The following PJA2 variants were observed in gnomAD, a reference collection of about 807,000 sequenced individuals.
PJA2 encodes the protein E3 ubiquitin-protein ligase Praja-2.
PJA2 carries 25 observed loss-of-function variants against 69.3 expected under a neutral mutation model. That is an observed-to-expected ratio of 0.36 (90% CI 0.26 to 0.50). The LOEUF (loss-of-function observed/expected upper bound fraction) is 0.50. Ranked by LOEUF, PJA2 falls within the 20% of genes least tolerant of loss-of-function variation. The probability of loss-of-function intolerance (pLI) is 0.96; values close to 1 mark genes in which losing one functional copy is unlikely to be tolerated. For missense variants in PJA2, 809 were observed against 830.2 expected, an observed-to-expected ratio of 0.97 and a Z score of 0.31; for synonymous variants, 308 against 277.8, an observed-to-expected ratio of 1.11 and a Z score of -1.08.
At chr5:109,399,076 T>C (rs899984395) in intron 1 of PJA2, among the ~76,000 whole-genome samples, 6 of 151,956 alleles carry the variant, frequency 3.9e-5, no homozygotes, top group East Asian at 1.9e-4. Flanking sequence ...CCGGGTTTGG[T>C]GGCACATGGC....
chr5:109,400,733 A>G lies in PJA2; in HGVS notation c.-88+9109T>C, dbSNP rs548566717. On this transcript the variant is annotated intron_variant, in intron 1 of 9. Coordinates refer to ENST00000361189, the MANE Select transcript of PJA2 (RefSeq NM_014819.5). ...GGTGGCTCACACCTGTAATTCCAGC[A>G]CTTTGGGAGGCAGAGGCAGGTGGAT... is the stretch of plus-strand genomic sequence containing the variant. Among the ~76,000 whole-genome samples the G allele has an allele frequency of 1.8e-4, 27 of 152,244 alleles. 1 individual carries two copies. The South Asian group carries it at 5.0e-3, about 28-fold the overall frequency.
chr5:109,378,647 T>A lies in PJA2; in HGVS notation c.840A>T (p.Glu280Asp). The A allele has an allele frequency of 1.9e-6, 3 of 1,614,182 alleles. No homozygotes were observed. The highest frequency in any genetic ancestry group is 2.5e-6 in the Non-Finnish European group (3 of 1,180,028). Residue 280 changes from glutamate to aspartate, a missense_variant, in exon 4 of 10, where the codon GAA (glutamate) becomes GAT (aspartate). Around this residue, in one of 4 missense-constraint regions of PJA2, gnomAD observed 700 missense variants for 639.5 expected, o/e 1.09. Coordinates refer to ENST00000361189, the MANE Select transcript of PJA2 (RefSeq NM_014819.5). ...CACAGGCTGCATCTTCAGGTGAATG[T>A]TCTGTCTGTCTTTCCTGGCTAGTAT... ...QNNTSQERQT[E>D]HSPEDAACGP...
Position 109,383,536 on chromosome 5 carries a change from G to T in PJA2, c.-87-16C>A. On this transcript the variant is annotated splice_polypyrimidine_tract_variant and intron_variant, in intron 1 of 9. Coordinates refer to ENST00000361189, the MANE Select transcript of PJA2 (RefSeq NM_014819.5). The stretch of plus-strand genomic sequence containing the variant: ...CAGAAGATTCCTACAAAGAAACAAT[G>T]AATTGAACAATATATTAATAAAAGC... 1.1e-6 allele frequency: 1 copy of T among 917,008 alleles called. No individual in the cohort carries two copies. Among genetic ancestry groups the T allele is most frequent in the South Asian group, 1.6e-5 (1 of 62,180 alleles). The allele number at this position is 917,008 out of a possible 1,614,324, so 56.8% of individuals were successfully genotyped here.
intron 1 of PJA2, among the ~76,000 whole-genome samples, chr5:109,406,241 C>G (rs1747690409): frequency 6.6e-6 from 1 of 152,070 alleles, no homozygotes; most frequent in Non-Finnish European, 1.5e-5. Context: ...GGGGCTTCAC[C>G]GTGTTAGCCA....
chr5:109,381,748 T>C (rs1747053411), intron 2 of PJA2, 45 bp from the exon 3 acceptor site: 1 of 1,548,912 alleles, frequency 6.5e-7, no homozygotes, highest in African/African-American at 1.4e-5. Context: ...GCAATGAGCT[T>C]TATTCTTGCA....
rs1017615136 is a variant in PJA2, at chr5:109,335,166, C to G, written c.*2065G>C. The G allele has an allele frequency of 2.6e-5, 4 of 152,618 alleles. No homozygotes were observed. Among genetic ancestry groups the G allele is most frequent in the African/African-American group, 9.6e-5 (4 of 41,452 alleles). 9.5% of individuals were successfully genotyped at this position (152,618 alleles called of 1,614,324 possible). A position where few individuals can be genotyped will look rare whatever the true frequency, so the allele number is the denominator to read the frequency against. ...TTGCCAGCCTTAGCTTATACCAGAG[C>G]TTGTTACCATGAAAATCCTAAAACC... is the stretch of plus-strand genomic sequence containing the variant. On this transcript the variant is annotated 3_prime_UTR_variant, in exon 10 of 10. Coordinates refer to ENST00000361189, the MANE Select transcript of PJA2 (RefSeq NM_014819.5).
At chr5:109,371,254 AACCATCAC>A (rs1762670664) in intron 4 of PJA2, among the ~76,000 whole-genome samples, 1 of 152,164 alleles carries the variant, frequency 6.6e-6, no homozygotes, top group Non-Finnish European at 1.5e-5. Context: ...AGCCAGCCCC[AACCATCAC>A]ACTAAGCTTT....
chr5:109,366,781 CAT>C (rs1439180211), intron 5 of PJA2, among the ~76,000 whole-genome samples: 2 of 152,174 alleles, frequency 1.3e-5, no homozygotes, highest in Non-Finnish European at 2.9e-5. Context: ...ACACAAATGA[CAT>C]ATGAATAATT....
At chr5:109,387,286 C>T (rs371980857) in intron 1 of PJA2, among the ~76,000 whole-genome samples, 1 of 151,664 alleles carries the variant, frequency 6.6e-6, no homozygotes, top group Non-Finnish European at 1.5e-5. Flanking sequence ...CTACTTAATC[C>T]GAGACCTCTA....
At chr5:109,378,154 AACC>A (rs763860493) in intron 4 of PJA2, 47 bp downstream of exon 4, 1 of 1,357,218 alleles carries the variant, frequency 7.4e-7, no homozygotes, top group Non-Finnish European at 1.0e-6. Context: ...TCTAGAAAGA[AACC>A]ACTTCATTTA....
intron 4 of PJA2, among the ~76,000 whole-genome samples, chr5:109,371,137 C>G (rs1191459355): frequency 1.3e-5 from 2 of 152,108 alleles, no homozygotes; most frequent in Non-Finnish European, 2.9e-5. Flanking sequence ...AAAATATTTA[C>G]CATCAGCTCC....
chr5:109,383,404 T>G lies in PJA2; in HGVS notation c.30A>C (p.Ala10=). The change falls in exon 2 of 10, where the codon GCA becomes GCC. Residue 10 remains alanine (A), a splice_region_variant and synonymous_variant. Coordinates refer to ENST00000361189, the MANE Select transcript of PJA2 (RefSeq NM_014819.5). MSQYTEKEP[A]AMDQESGKAV... is the part of the protein sequence containing the mutation. ...TGTAGAAGAACTGACTTTCCTTACC[T>G]GCTGGCTCCTTTTCAGTGTACTGTG... is the stretch of plus-strand genomic sequence containing the variant. 1 of 1,613,382 alleles carries G rather than the reference T, an allele frequency of 6.2e-7. No homozygotes were observed.
chr5:109,373,396 A>C (rs1485000173), intron 4 of PJA2, among the ~76,000 whole-genome samples: 1 of 152,204 alleles, frequency 6.6e-6, no homozygotes, highest in Non-Finnish European at 1.5e-5. Context: ...AGAGGAAATT[A>C]AAAATACAAA....
intron 4 of PJA2, among the ~76,000 whole-genome samples, chr5:109,376,005 G>A (rs1746876191): frequency 6.6e-6 from 1 of 152,052 alleles, no homozygotes; most frequent in East Asian, 1.9e-4. Context: ...CATATCTTAA[G>A]GCTATGGATA....
Position 109,378,701 on chromosome 5 carries a change from A to G in PJA2, c.786T>C (p.Asp262=). The change falls in exon 4 of 10, where the codon GAT becomes GAC. Residue 262 remains aspartate (D), a synonymous_variant. Transcript: ENST00000361189. The part of the protein sequence containing the change: ...NSQEIQRSSQ[D]EMVSTKQQNN... ...TTTGTTGTTTCGTACTAACCATTTC[A>G]TCTTGAGAAGACCTCTGAATTTCCT... is the stretch of plus-strand genomic sequence containing the variant. The G allele has an allele frequency of 6.2e-7, 1 of 1,613,682 alleles. No individual in the cohort carries two copies. Among genetic ancestry groups the G allele is most frequent in the South Asian group, 1.1e-5 (1 of 91,078 alleles).
chr5:109,348,315 C>T lies in PJA2; in HGVS notation c.1765-3496G>A, dbSNP rs568500137. Among the ~76,000 whole-genome samples the T allele has an allele frequency of 7.2e-5, 11 of 152,294 alleles. No homozygotes were observed. The South Asian group carries it at 1.2e-3, about 17-fold the overall frequency. On this transcript the variant is annotated intron_variant, in intron 7 of 9. Coordinates refer to ENST00000361189, the MANE Select transcript of PJA2 (RefSeq NM_014819.5). ...GGGTATGAGAGCCAGAAAGCATCCA[C>T]GACAGCCCTAAAAGATGCTCTTGCT...
intron 5 of PJA2, among the ~76,000 whole-genome samples, chr5:109,365,650 A>T (rs1319692228): frequency 6.6e-6 from 1 of 152,206 alleles, no homozygotes; most frequent in Non-Finnish European, 1.5e-5. Context: ...ATAGCTACCC[A>T]AGCAATAAAC....
At position 109,336,091 on chromosome 5, in the gene PJA2, T is replaced by TA. The variant is rs1761934082; in HGVS notation, c.*1139dup. ...CTCTGCATTTGGGAAGCCATATAAA[T>TA]ATTCCTTTTATGTGCCCAAACTAAA... On this transcript the variant is annotated 3_prime_UTR_variant, in exon 10 of 10. Coordinates refer to ENST00000361189, the MANE Select transcript of PJA2 (RefSeq NM_014819.5). The TA allele has an allele frequency of 6.6e-6, 1 of 152,614 alleles. No individual in the cohort carries two copies. Among genetic ancestry groups the TA allele is most frequent in the East Asian group, 1.9e-4 (1 of 5,200 alleles). 9.5% of individuals were successfully genotyped at this position (152,614 alleles called of 1,614,324 possible).
intron 7 of PJA2, among the ~76,000 whole-genome samples, chr5:109,348,362 G>T (rs35543286): frequency 2.7e-3 from 406 of 152,276 alleles, no homozygotes; most frequent in Non-Finnish European, 4.7e-3. Context: ...AACGCAAAAT[G>T]TAATTGTGTG....
Sources: gnomAD v4.1 joint callset for allele counts (sites outside exome capture counted in the v4.1 genomes callset) on GRCh38, gnomAD v4.1.1 for gene constraint, gnomAD v4.1.1 regional missense constraint, MANE v1.5 for transcripts, NCBI Gene and HGNC (gene_info 2026-07-23, HGNC 2026-07-21) for gene names.